The following EDARADD variants were observed in gnomAD, a reference collection of about 807,000 sequenced individuals.
EDARADD encodes ectodysplasin-A receptor-associated adapter protein.
A neutral mutation model predicts 25.6 loss-of-function variants in EDARADD; 20 were observed. That is an observed-to-expected ratio of 0.78 (90% confidence interval 0.55 to 1.14). EDARADD has a LOEUF of 1.14. Ranked by LOEUF, EDARADD falls within the 50% of genes most tolerant of loss-of-function variation. The pLI is 0.00. For synonymous variants in EDARADD, 86 were observed against 94.4 expected, an observed-to-expected ratio of 0.91 and a Z score of 0.52; for missense variants, 225 against 270.1, an observed-to-expected ratio of 0.83 and a Z score of 1.17.
rs1658591601 is a variant in EDARADD at position 236,447,377 on chromosome 1, A to C, written c.219+19927A>C. ...GTTCAAGCAATTCTCCTGCCTCAGC[A>C]TCCCCAGTAGCTGAGATTACAGGCA... On this transcript the variant is annotated intron_variant, in intron 4 of 5. Transcript: ENST00000334232. Among the ~76,000 whole-genome samples, 4 of 151,346 alleles carry C rather than the reference A, an allele frequency of 2.6e-5. No individual in the cohort carries two copies. The South Asian group carries it at 8.4e-4, about 32-fold the overall frequency.
intron 3 of EDARADD, among the ~76,000 whole-genome samples, chr1:236,379,394 C>A (rs78630949): frequency 1.6e-5 from 2 of 123,834 alleles, no homozygotes; most frequent in Admixed American, 8.1e-5. Flanking sequence ...AAATAAACAA[C>A]TAAAGTCACA....
intron 3 of EDARADD, among the ~76,000 whole-genome samples, chr1:236,372,028 C>A (rs1667178438): frequency 6.6e-6 from 1 of 152,124 alleles, no homozygotes; most frequent in African/African-American, 2.4e-5. Flanking sequence ...GCGATCTCGG[C>A]TCACTGCAGC....
intron 3 of EDARADD, among the ~76,000 whole-genome samples, chr1:236,371,725 A>G (rs1667175031): frequency 1.3e-5 from 2 of 151,774 alleles, no homozygotes; most frequent in South Asian, 4.2e-4. Context: ...GCCTGCCACC[A>G]TGCCCAGCTA....
chr1:236,451,711 C>T (rs1275561702), intron 4 of EDARADD, among the ~76,000 whole-genome samples: 1 of 152,188 alleles, frequency 6.6e-6, no homozygotes, highest in Non-Finnish European at 1.5e-5. Context: ...GCGTGAGCCA[C>T]CACACCTGGC....
At chr1:236,409,121 C>A in intron 1 of EDARADD, 95 bp from the exon 2 acceptor site, 153 of 562,034 alleles carry the variant, frequency 2.7e-4, no homozygotes, top group Non-Finnish European at 3.7e-4. Flanking sequence ...AGTAAAATTA[C>A]TTGCCTCTGT....
intron 3 of EDARADD, among the ~76,000 whole-genome samples, chr1:236,421,489 CTTTT>C (rs34922732): frequency 1.3e-5 from 1 of 75,430 alleles, no homozygotes. Context: ...CTTCCCAGTT[CTTTT>C]TTTTTTTTTT....
chr1:236,416,134 C>T (rs1239799272), intron 3 of EDARADD, among the ~76,000 whole-genome samples: 1 of 152,198 alleles, frequency 6.6e-6, no homozygotes, highest in African/African-American at 2.4e-5. Context: ...TGAGTGGCCT[C>T]AGCAAGTGGC....
In EDARADD at chr1:236,484,331, A is replaced by G; in HGVS notation, c.*1682A>G. On this transcript the variant is annotated 3_prime_UTR_variant, in exon 6 of 6. Transcript: ENST00000334232. This position sits in a 1 kb window ranked among gnomAD's most constrained non-coding sequence, Gnocchi z 4.1. ...TCACTGACCTGGTGGTGGGGCTGTG[A>G]CCTGGGCAGCTCAAGACTGGTGCCC... 7.6e-7 allele frequency: 1 copy of G among 1,310,968 alleles called. No homozygotes were observed. The highest frequency in any genetic ancestry group is 1.1e-6 in the Non-Finnish European group (1 of 904,372). 81.2% of individuals were successfully genotyped at this position (1,310,968 alleles called of 1,614,324 possible). A position where few individuals can be genotyped will look rare whatever the true frequency, so the allele number is the denominator to read the frequency against.
Position 236,482,256 on chromosome 1 carries a change from T to C in EDARADD, c.266-11T>C. The C allele has an allele frequency of 1.9e-6, 3 of 1,614,154 alleles. No homozygotes were observed. The highest frequency in any genetic ancestry group is 2.5e-6 in the Non-Finnish European group (3 of 1,180,032). ...TTGTTGACCTGTGGACTAAATTGTT[T>C]CTCCCTGCAGAGATCAGCAAGGACA... is the stretch of plus-strand genomic sequence containing the variant. On this transcript the variant is annotated splice_polypyrimidine_tract_variant and intron_variant, in intron 5 of 5. Transcript: ENST00000334232.
intron 4 of EDARADD, among the ~76,000 whole-genome samples, chr1:236,440,071 A>G (rs1422294341): frequency 6.6e-6 from 1 of 151,938 alleles, no homozygotes; most frequent in Admixed American, 6.6e-5. Flanking sequence ...GTGTGTCTAG[A>G]CTAATTTTTT....
At chr1:236,472,923 G>C (rs1255668801) in intron 5 of EDARADD, among the ~76,000 whole-genome samples, 1 of 149,514 alleles carries the variant, frequency 6.7e-6, no homozygotes, top group Admixed American at 6.6e-5. Context: ...TCTTGCGGCT[G>C]CCTTGTTAAC....
At chr1:236,405,801 T>C (rs1558112557) in intron 1 of EDARADD, among the ~76,000 whole-genome samples, 8 of 131,298 alleles carry the variant, frequency 6.1e-5, no homozygotes, top group South Asian at 2.5e-4. Flanking sequence ...TTTCTTTTTC[T>C]TTCTTTCTTT....
At chr1:236,421,736 C>G (rs1178042752) in intron 3 of EDARADD, among the ~76,000 whole-genome samples, 1 of 152,096 alleles carries the variant, frequency 6.6e-6, no homozygotes, top group African/African-American at 2.4e-5. Flanking sequence ...AACTCCTGAC[C>G]TCAGGTGATC....
Position 236,484,519 on chromosome 1 carries a change from C to A in EDARADD, c.*1870C>A. ...TCACCTGGTGGCTAATTAGACCCCTCCCCTTGTGTCAACTCCGGCAGCTCA... is the reference window on the plus strand; with the variant it reads ...TCACCTGGTGGCTAATTAGACCCCTACCCTTGTGTCAACTCCGGCAGCTCA... On this transcript the variant is annotated 3_prime_UTR_variant, in exon 6 of 6. Coordinates refer to ENST00000334232, the MANE Select transcript of EDARADD (RefSeq NM_145861.4). This position sits in a 1 kb window ranked among gnomAD's most constrained non-coding sequence, Gnocchi z 4.1. 6.8e-7 allele frequency: 1 copy of A among 1,467,110 alleles called. No homozygotes were observed. The highest frequency in any genetic ancestry group is 9.5e-7 in the Non-Finnish European group (1 of 1,056,108). The allele number at this position is 1,467,110 out of a possible 1,614,324, so 90.9% of individuals were successfully genotyped here.
chr1:236,453,561 C>G (rs1260829928), intron 4 of EDARADD, among the ~76,000 whole-genome samples: 1 of 152,182 alleles, frequency 6.6e-6, no homozygotes, highest in African/African-American at 2.4e-5. Context: ...CAGGCATGAG[C>G]CACCATGCCT....
chr1:236,365,937 T>A (rs569859798), intron 3 of EDARADD, among the ~76,000 whole-genome samples: 25 of 152,338 alleles, frequency 1.6e-4, no homozygotes, highest in African/African-American at 6.0e-4. Context: ...TCATAATTTG[T>A]CATTTCTTCT....
intron 5 of EDARADD, among the ~76,000 whole-genome samples, chr1:236,475,618 G>C (rs1659480354): frequency 2.0e-5 from 3 of 151,862 alleles, no homozygotes; most frequent in South Asian, 2.1e-4. Context: ...CAAAAAATTA[G>C]CTGGCAGTAG....
intron 3 of EDARADD, among the ~76,000 whole-genome samples, chr1:236,419,760 T>G (rs1306783752): frequency 6.6e-6 from 1 of 152,174 alleles, no homozygotes; most frequent in Non-Finnish European, 1.5e-5. Context: ...ACTTTTAGCT[T>G]CAGTTTCCCA....
chr1:236,450,549 C>T (rs1193885880), intron 4 of EDARADD, among the ~76,000 whole-genome samples: 1 of 145,434 alleles, frequency 6.9e-6, no homozygotes, highest in African/African-American at 2.6e-5. Flanking sequence ...CCCCCCAACC[C>T]CCCCTTTTTT....
Sources: gnomAD v4.1 joint callset for allele counts (sites outside exome capture counted in the v4.1 genomes callset) on GRCh38, gnomAD v4.1.1 for gene constraint, Gnocchi (gnomAD v3.1) non-coding constraint, MANE v1.5 for transcripts, NCBI Gene and HGNC (gene_info 2026-07-23, HGNC 2026-07-21) for gene names.